MOSMO: variants seen among roughly 807,000 people sequenced by gnomAD.
The protein encoded by MOSMO is modulator of smoothened protein.
MOSMO carries 5 observed loss-of-function variants against 18.4 expected under a neutral mutation model. The ratio of observed to expected loss-of-function variants is 0.27; its 90% confidence interval spans 0.14 to 0.57. The LOEUF (loss-of-function observed/expected upper bound fraction) is 0.57, where lower values mean the gene tolerates loss of function less well. MOSMO is among the 20% of genes least tolerant of loss of function. The pLI, the probability that MOSMO is intolerant of heterozygous loss-of-function variation, is 0.92. For synonymous variants in MOSMO, 82 were observed against 82.3 expected, an observed-to-expected ratio of 1.00 and a Z score of 0.02; for missense variants, 138 against 211.8, an observed-to-expected ratio of 0.65 and a Z score of 2.16.
At chr16:22,049,977 T>C (rs1392804571) in intron 1 of MOSMO, among the ~76,000 whole-genome samples, 1 of 152,224 alleles carries the variant, frequency 6.6e-6, no homozygotes, top group African/African-American at 2.4e-5. Flanking sequence ...ATCGTGGCTG[T>C]TGTATCCATG....
rs1900955339 is a variant in MOSMO at position 22,075,779 on chromosome 16, G to A, written c.319+80G>A. 1.4e-5 allele frequency: 14 copies of A among 1,033,016 alleles called. No individual in the cohort carries two copies. In the East Asian group the frequency reaches 3.7e-4, roughly 28 times the overall value. 64.0% of individuals were successfully genotyped at this position (1,033,016 alleles called of 1,614,324 possible). A position where few individuals can be genotyped will look rare whatever the true frequency, so the allele number is the denominator to read the frequency against. ...TTTTTATGAAGATAATCAAGAATCAGTAATAAGGACTTCATAATCATCAAA... is the reference window on the plus strand; with the variant it reads ...TTTTTATGAAGATAATCAAGAATCAATAATAAGGACTTCATAATCATCAAA... On this transcript the variant is annotated intron_variant, in intron 2 of 2. Coordinates refer to ENST00000542527, the MANE Select transcript of MOSMO (RefSeq NM_001164579.2).
chr16:22,064,976 C>T (rs961146297), intron 1 of MOSMO, among the ~76,000 whole-genome samples: 1 of 152,120 alleles, frequency 6.6e-6, no homozygotes, highest in Non-Finnish European at 1.5e-5. Flanking sequence ...ATGTTAAGAG[C>T]TTCAATAATT....
At position 22,084,045 on chromosome 16, in the gene MOSMO, A is replaced by G. The variant is rs1054561041; in HGVS notation, c.*3165A>G. ...TTACCCTTTTGCCTAAAGCTTTGAT[A>G]TCCCCACTTGATGTTCTGTGAATTC... On this transcript the variant is annotated 3_prime_UTR_variant, in exon 3 of 3. Transcript: ENST00000542527. 4.6e-6 allele frequency: 1 copy of G among 216,850 alleles called. No individual in the cohort carries two copies. Among genetic ancestry groups the G allele is most frequent in the African/African-American group, 2.4e-5 (1 of 42,060 alleles). The allele number at this position is 216,850 out of a possible 1,614,324, so 13.4% of individuals were successfully genotyped here.
intron 1 of MOSMO, among the ~76,000 whole-genome samples, chr16:22,056,365 C>CTTTTTTTTTTTTTTTTTT (rs35642716): frequency 1.8e-5 from 1 of 54,612 alleles, no homozygotes; most frequent in Non-Finnish European, 3.1e-5. Context: ...TTCTTTCTTT[C>CTTTTTTTTTTTTTTTTTT]TTTTTTTTTT....
chr16:22,050,397 A>G (rs1332538451), intron 1 of MOSMO, among the ~76,000 whole-genome samples: 1 of 152,164 alleles, frequency 6.6e-6, no homozygotes, highest in Non-Finnish European at 1.5e-5. Context: ...CTGTTTCTAG[A>G]GCAGAGATTC....
intron 1 of MOSMO, among the ~76,000 whole-genome samples, chr16:22,020,772 A>C (rs367574864): frequency 6.6e-6 from 1 of 152,252 alleles, no homozygotes; most frequent in Non-Finnish European, 1.5e-5. Flanking sequence ...TTGCATTTTC[A>C]AAAGATAAAA....
Position 22,067,064 on chromosome 16 carries a change from A to T in MOSMO, c.107-8423A>T, listed in dbSNP as rs1900761392. ...AATATCTAATAAAGAGATAGAAATTATTTTCAGAAATAAAATAGAAATTCA... is the reference window on the plus strand; with the variant it reads ...AATATCTAATAAAGAGATAGAAATTTTTTTCAGAAATAAAATAGAAATTCA... On this transcript the variant is annotated intron_variant, in intron 1 of 2. Coordinates refer to ENST00000542527, the MANE Select transcript of MOSMO (RefSeq NM_001164579.2). Among the ~76,000 whole-genome samples, 3 of 152,350 alleles carry T rather than the reference A, an allele frequency of 2.0e-5. No homozygotes were observed. In the South Asian group the frequency reaches 6.2e-4, roughly 32 times the overall value.
At chr16:22,017,084 TA>T (rs1221668979) in intron 1 of MOSMO, among the ~76,000 whole-genome samples, 1 of 152,220 alleles carries the variant, frequency 6.6e-6, no homozygotes, top group African/African-American at 2.4e-5. Flanking sequence ...CTAGCTTCTG[TA>T]ATGCAACTGT....
intron 1 of MOSMO, among the ~76,000 whole-genome samples, chr16:22,018,128 C>T (rs1465440109): frequency 6.6e-6 from 1 of 151,974 alleles, no homozygotes; most frequent in Non-Finnish European, 1.5e-5. Flanking sequence ...GGCATTTTGA[C>T]ACTTGCCGTT....
At chr16:22,027,524 C>T (rs1351131570) in intron 1 of MOSMO, among the ~76,000 whole-genome samples, 1 of 152,162 alleles carries the variant, frequency 6.6e-6, no homozygotes, top group Non-Finnish European at 1.5e-5. Flanking sequence ...ACATAAAGCA[C>T]TTAATACTAC....
At chr16:22,012,045 A>G (rs1446071187) in intron 1 of MOSMO, among the ~76,000 whole-genome samples, 1 of 152,142 alleles carries the variant, frequency 6.6e-6, no homozygotes, top group East Asian at 1.9e-4. Context: ...CAAGAGCTGC[A>G]CAAAAGCCAC....
At chr16:22,024,085 A>G (rs983147064) in intron 1 of MOSMO, among the ~76,000 whole-genome samples, 2 of 150,602 alleles carry the variant, frequency 1.3e-5, no homozygotes, top group African/African-American at 4.9e-5. Flanking sequence ...ATTCTGATAT[A>G]AAGCACATTT....
downstream of MOSMO, among the ~76,000 whole-genome samples, chr16:22,088,618 A>C (rs1283867635): frequency 6.6e-6 from 1 of 152,248 alleles, no homozygotes; most frequent in East Asian, 1.9e-4. Context: ...CTCTACGTTT[A>C]GAGAAGGAAA....
At chr16:22,042,496 G>T (rs902215558) in intron 1 of MOSMO, among the ~76,000 whole-genome samples, 1 of 152,066 alleles carries the variant, frequency 6.6e-6, no homozygotes, top group Admixed American at 6.5e-5. Flanking sequence ...CAACTCAAAA[G>T]ATACTTCCTT....
intron 1 of MOSMO, among the ~76,000 whole-genome samples, chr16:22,014,111 CT>C (rs1197231778): frequency 3.9e-5 from 6 of 152,206 alleles, no homozygotes; most frequent in African/African-American, 1.4e-4. Context: ...GGAACTGCCC[CT>C]ATAACACTTC....
At position 22,082,142 on chromosome 16, in the gene MOSMO, C is replaced by A. The variant is rs1427643455; in HGVS notation, c.*1262C>A. The A allele has an allele frequency of 6.6e-6, 1 of 152,134 alleles. No individual in the cohort carries two copies. The highest frequency in any genetic ancestry group is 1.9e-4 in the East Asian group (1 of 5,200). The allele number at this position is 152,134 out of a possible 1,614,324, so 9.4% of individuals were successfully genotyped here. A position where few individuals can be genotyped will look rare whatever the true frequency, so the allele number is the denominator to read the frequency against. On this transcript the variant is annotated 3_prime_UTR_variant, in exon 3 of 3. Coordinates refer to ENST00000542527, the MANE Select transcript of MOSMO (RefSeq NM_001164579.2). Reference sequence around the variant, plus strand: ...TTTTGGCTATTTACAACACTAATTTCATTATTTTTATCTGTAAGCATTATT... The same window carrying A: ...TTTTGGCTATTTACAACACTAATTTAATTATTTTTATCTGTAAGCATTATT...
chr16:22,055,703 C>G (rs1268219289), intron 1 of MOSMO, among the ~76,000 whole-genome samples: 1 of 152,088 alleles, frequency 6.6e-6, no homozygotes, highest in Non-Finnish European at 1.5e-5. Flanking sequence ...AAATTCTTTC[C>G]AGAACAATCA....
At chr16:22,015,934 G>A (rs1217595821) in intron 1 of MOSMO, among the ~76,000 whole-genome samples, 1 of 152,142 alleles carries the variant, frequency 6.6e-6, no homozygotes, top group African/African-American at 2.4e-5. Context: ...TTAGAGTAAA[G>A]ACTGCTGATG....
At chr16:22,077,533 G>C (rs1186933270) in intron 2 of MOSMO, among the ~76,000 whole-genome samples, 2 of 151,932 alleles carry the variant, frequency 1.3e-5, no homozygotes, top group African/African-American at 4.8e-5. Flanking sequence ...CCAGTTTCTG[G>C]GGTTTCCTAC....
Sources: gnomAD v4.1 joint callset for allele counts (sites outside exome capture counted in the v4.1 genomes callset) on GRCh38, gnomAD v4.1.1 for gene constraint, MANE v1.5 for transcripts, NCBI Gene and HGNC (gene_info 2026-07-23, HGNC 2026-07-21) for gene names.